Variants in EVL observed in about 807,000 individuals in gnomAD.
EVL encodes the protein Enah/Vasp-like.
Under a neutral mutation model 59.6 loss-of-function variants are expected in EVL, and 21 were observed. The observed-to-expected ratio is 0.35, with a 90% CI of 0.25 to 0.51. The LOEUF (loss-of-function observed/expected upper bound fraction) is 0.51, where lower values mean the gene tolerates loss of function less well. Ranked by LOEUF, EVL falls within the 20% of genes least tolerant of loss-of-function variation. The pLI, the probability that EVL is intolerant of heterozygous loss-of-function variation, is 0.97. For synonymous variants in EVL, 198 were observed against 203.5 expected, an observed-to-expected ratio of 0.97 and a Z score of 0.23; for missense variants, 462 against 546.6, an observed-to-expected ratio of 0.85 and a Z score of 1.54.
intron 1 of EVL, among the ~76,000 whole-genome samples, chr14:100,081,971 A>G (rs549523023): frequency 6.6e-6 from 1 of 152,204 alleles, no homozygotes; most frequent in South Asian, 2.1e-4. Flanking sequence ...TAGAATTTAA[A>G]AGATTAGCCA....
chr14:100,082,958 C>T (rs1433003476), intron 1 of EVL, among the ~76,000 whole-genome samples: 1 of 152,190 alleles, frequency 6.6e-6, no homozygotes, highest in Non-Finnish European at 1.5e-5. Context: ...GCTCCCATAG[C>T]AGGTTCTCCT....
rs990589551 is a variant in EVL, at chr14:100,106,602, T to C, written c.358+8944T>C. ...TCTCCTTTGCAGTACATGTAAGGCATTATATCCGAATTTAGGTAGGTAGGT... is the reference window on the plus strand; with the variant it reads ...TCTCCTTTGCAGTACATGTAAGGCACTATATCCGAATTTAGGTAGGTAGGT... On this transcript the variant is annotated intron_variant, in intron 3 of 13. Coordinates refer to ENST00000392920, the MANE Select transcript of EVL (RefSeq NM_016337.3). 8.4e-5 allele frequency: 31 copies of C among 369,636 alleles called. No homozygotes were observed. The Admixed American group carries it at 1.2e-3, about 15-fold the overall frequency. 22.9% of individuals were successfully genotyped at this position (369,636 alleles called of 1,614,324 possible).
intron 11 of EVL, chr14:100,138,838 G>T (rs560011410): frequency 6.5e-6 from 1 of 152,684 alleles, no homozygotes; most frequent in East Asian, 1.9e-4. Flanking sequence ...TCGTTGACCC[G>T]GACGAGGAGG....
chr14:100,014,118 A>G (rs184434708), intron 1 of EVL, among the ~76,000 whole-genome samples: 131 of 152,284 alleles, frequency 8.6e-4, no homozygotes, highest in African/African-American at 3.1e-3. Context: ...ATCAGATACT[A>G]GCATTTGATT....
intron 1 of EVL, among the ~76,000 whole-genome samples, chr14:100,058,543 G>T (rs6575761): frequency 0.94 from 142,911 of 152,320 alleles, 67,214 homozygotes; most frequent in African/African-American, 0.96. Flanking sequence ...ACTAAATTGC[G>T]TCACAAGTGC....
chr14:100,118,202 TCAG>T (rs1378294914), intron 3 of EVL, among the ~76,000 whole-genome samples: 1 of 152,154 alleles, frequency 6.6e-6, no homozygotes, highest in African/African-American at 2.4e-5. Context: ...CGCCCGAGTC[TCAG>T]CAGGCTATGA....
intron 1 of EVL, among the ~76,000 whole-genome samples, chr14:100,013,987 G>A (rs1263665958): frequency 6.6e-6 from 1 of 152,170 alleles, no homozygotes; most frequent in Admixed American, 6.5e-5. Flanking sequence ...TGGGACAAAT[G>A]GGGTATCCAT....
intron 1 of EVL, among the ~76,000 whole-genome samples, chr14:100,080,039 C>T (rs1432051285): frequency 1.3e-5 from 2 of 151,280 alleles, no homozygotes; most frequent in Non-Finnish European, 2.9e-5. Flanking sequence ...GAACTACATG[C>T]AGAAAATTTG....
intron 1 of EVL, among the ~76,000 whole-genome samples, chr14:100,043,461 G>T (rs1296877513): frequency 7.0e-6 from 1 of 143,496 alleles, no homozygotes; most frequent in Non-Finnish European, 1.5e-5. Flanking sequence ...AGGCCTGTGA[G>T]CCCAGGGTGG....
chr14:100,032,700 T>G (rs755234179), intron 1 of EVL, among the ~76,000 whole-genome samples: 6 of 152,306 alleles, frequency 3.9e-5, no homozygotes, highest in Non-Finnish European at 8.8e-5. Flanking sequence ...AACCCAGCCC[T>G]GTGCATGCAG....
chr14:100,138,482 CTGCG>C (rs1388913360), intron 11 of EVL: 1 of 152,978 alleles, frequency 6.5e-6, no homozygotes. Context: ...CCTCTAGAAC[CTGCG>C]TCAAGAATGT....
intron 9 of EVL, chr14:100,137,087 A>G (rs1888842793): frequency 6.1e-6 from 1 of 163,462 alleles, no homozygotes; most frequent in Admixed American, 5.7e-5. Context: ...AGTTAATGCA[A>G]CAAATCTTTT....
rs769657060 is a variant in EVL, at chr14:100,109,052, G to C, written c.358+11394G>C. The stretch of plus-strand genomic sequence containing the variant: ...GCCCAGGCCCCAGCTCAGCATCGAG[G>C]TCCTGTGGGACCATGTCCAGCAGTG... On this transcript the variant is annotated intron_variant, in intron 3 of 13. Transcript: ENST00000392920. The surrounding 1 kb of genome is among the most constrained non-coding windows in gnomAD (Gnocchi z 4.3). 1.3e-5 allele frequency among the ~76,000 whole-genome samples: 2 copies of C among 152,206 alleles called. No individual in the cohort carries two copies. The highest frequency in any genetic ancestry group is 2.4e-5 in the African/African-American group (1 of 41,446).
At chr14:100,134,981 A>C (rs2140396608) in intron 8 of EVL, 1 of 152,370 alleles carries the variant, frequency 6.6e-6, no homozygotes, top group South Asian at 2.1e-4. Context: ...AAAAAATAAC[A>C]TACAAGAAAA....
chr14:100,047,859 G>A (rs1275267457), intron 1 of EVL, among the ~76,000 whole-genome samples: 4 of 152,136 alleles, frequency 2.6e-5, no homozygotes, highest in South Asian at 2.1e-4. Flanking sequence ...TAAAAAGTCC[G>A]TTCAGTGAGA....
At chr14:100,087,547 G>A (rs146466123) in intron 2 of EVL, among the ~76,000 whole-genome samples, 167 of 152,336 alleles carry the variant, frequency 1.1e-3, no homozygotes, top group African/African-American at 3.9e-3. Context: ...CCAGGAGGTT[G>A]AGGCTTCAGT....
At chr14:100,053,423 C>A (rs550094735) in intron 1 of EVL, among the ~76,000 whole-genome samples, 1 of 143,728 alleles carries the variant, frequency 7.0e-6, no homozygotes, top group Non-Finnish European at 1.5e-5. Context: ...TCTTTATCGT[C>A]GTTTTAAAAT....
At chr14:100,132,091 A>T (rs746391244) in intron 7 of EVL, among the ~76,000 whole-genome samples, 1 of 151,994 alleles carries the variant, frequency 6.6e-6, no homozygotes, top group African/African-American at 2.4e-5. Context: ...AGGTCAGCAG[A>T]TACCACTGAG....
intron 1 of EVL, among the ~76,000 whole-genome samples, chr14:100,013,597 G>A (rs2061031319): frequency 6.6e-6 from 1 of 152,306 alleles, no homozygotes; most frequent in South Asian, 2.1e-4. Context: ...AGGGTCCCCT[G>A]GCCATTGGAA....
Sources: gnomAD v4.1 joint callset for allele counts (sites outside exome capture counted in the v4.1 genomes callset) on GRCh38, gnomAD v4.1.1 for gene constraint, Gnocchi (gnomAD v3.1) non-coding constraint, MANE v1.5 for transcripts, NCBI Gene and HGNC (gene_info 2026-07-23, HGNC 2026-07-21) for gene names.